Variants in TANK observed in about 807,000 individuals in gnomAD.
TANK encodes TRAF family member-associated NF-kappa-B activator.
TANK carries 15 observed loss-of-function variants against 43.6 expected under a neutral mutation model. The observed-to-expected ratio is 0.34, with a 90% CI of 0.23 to 0.53. The LOEUF is 0.53. Ranked by LOEUF, TANK falls within the 20% of genes least tolerant of loss-of-function variation. The pLI is 0.94. For synonymous variants in TANK, 162 were observed against 178.2 expected, an observed-to-expected ratio of 0.91 and a Z score of 0.73; for missense variants, 417 against 498.6, an observed-to-expected ratio of 0.84 and a Z score of 1.56.
Position 161,183,235 on chromosome 2 carries a change from T to G in TANK, c.99+3474T>G, listed in dbSNP as rs201183687. ...CTTGGTTTACAAAAGAATACTCCATTATGGAATACCTATGAATACTTATGG... is the reference window on the plus strand; with the variant it reads ...CTTGGTTTACAAAAGAATACTCCATGATGGAATACCTATGAATACTTATGG... On this transcript the variant is annotated intron_variant, in intron 2 of 7. Transcript: ENST00000392749. Among the ~76,000 whole-genome samples the G allele has an allele frequency of 3.3e-5, 5 of 152,324 alleles. No individual in the cohort carries two copies. The East Asian group carries it at 9.6e-4, about 29-fold the overall frequency.
At chr2:161,150,435 T>C (rs1289884545) in intron 1 of TANK, among the ~76,000 whole-genome samples, 2 of 152,090 alleles carry the variant, frequency 1.3e-5, no homozygotes, top group Non-Finnish European at 2.9e-5. Flanking sequence ...TCTAGTTTCA[T>C]TGATTCTCTC....
At chr2:161,166,686 C>A (rs908279226) in intron 1 of TANK, among the ~76,000 whole-genome samples, 4 of 151,984 alleles carry the variant, frequency 2.6e-5, no homozygotes, top group African/African-American at 7.2e-5. Context: ...ACTCAGAAGG[C>A]TGAGGTGGAA....
intron 2 of TANK, among the ~76,000 whole-genome samples, chr2:161,191,120 C>G (rs750670226): frequency 1.3e-5 from 2 of 152,164 alleles, no homozygotes; most frequent in Non-Finnish European, 2.9e-5. Context: ...CAATTTGAGA[C>G]TCAGAAGTTT....
At chr2:161,227,758 T>C (rs1381729455) in intron 6 of TANK, among the ~76,000 whole-genome samples, 2 of 152,192 alleles carry the variant, frequency 1.3e-5, no homozygotes, top group Non-Finnish European at 2.9e-5. Flanking sequence ...ACCTCAACAG[T>C]TGGTTTTCCT....
Position 161,235,715 on chromosome 2 carries a change from C to T in TANK, c.*197C>T. On this transcript the variant is annotated 3_prime_UTR_variant, in exon 8 of 8. Transcript: ENST00000392749. ...TTCTGTTCTTTCAAGGAGAAATAAGCCTAAAAGAAGAAAAACAAAAAAAAT... is the reference window on the plus strand; with the variant it reads ...TTCTGTTCTTTCAAGGAGAAATAAGTCTAAAAGAAGAAAAACAAAAAAAAT... 1 of 435,378 alleles carries T rather than the reference C, an allele frequency of 2.3e-6. No homozygotes were observed. Among genetic ancestry groups the T allele is most frequent in the Non-Finnish European group, 3.9e-6 (1 of 258,478 alleles). The allele number at this position is 435,378 out of a possible 1,614,324, so 27.0% of individuals were successfully genotyped here. A position where few individuals can be genotyped will look rare whatever the true frequency, so the allele number is the denominator to read the frequency against.
intron 1 of TANK, chr2:161,137,899 A>C (rs1030419595): frequency 5.9e-6 from 1 of 169,092 alleles, no homozygotes; most frequent in Non-Finnish European, 1.2e-5. Context: ...ACTTGAACCC[A>C]GGAGGCAGAG....
At chr2:161,138,657 A>C (rs755790084) in intron 1 of TANK, among the ~76,000 whole-genome samples, 2 of 152,186 alleles carry the variant, frequency 1.3e-5, no homozygotes, top group Admixed American at 6.5e-5. Flanking sequence ...ACCCAGTCTA[A>C]CCTGCCTTCA....
chr2:161,208,568 A>G (rs972243809), intron 4 of TANK, among the ~76,000 whole-genome samples: 1 of 152,170 alleles, frequency 6.6e-6, no homozygotes, highest in Non-Finnish European at 1.5e-5. Context: ...CTGAGTTTCT[A>G]TGGGTCAGAA....
intron 2 of TANK, among the ~76,000 whole-genome samples, chr2:161,190,959 A>G (rs1477901493): frequency 6.6e-6 from 1 of 152,218 alleles, no homozygotes; most frequent in African/African-American, 2.4e-5. Flanking sequence ...TACAAAAAAA[A>G]GAATTGGTCT....
At chr2:161,140,039 T>C (rs1683697297) in intron 1 of TANK, 1 of 584,246 alleles carries the variant, frequency 1.7e-6, no homozygotes, top group Non-Finnish European at 2.2e-6. Flanking sequence ...TGTTTTTATA[T>C]TCATAAGTCT....
intron 4 of TANK, among the ~76,000 whole-genome samples, chr2:161,220,084 A>T (rs1363255252): frequency 1.3e-5 from 2 of 152,184 alleles, no homozygotes; most frequent in Non-Finnish European, 2.9e-5. Flanking sequence ...CATTGACTAC[A>T]CTCAGTTGCC....
chr2:161,167,655 C>G (rs760118659), intron 1 of TANK, among the ~76,000 whole-genome samples: 1 of 151,998 alleles, frequency 6.6e-6, no homozygotes. Flanking sequence ...TGGAGTCTCT[C>G]TCTGTCACCC....
intron 2 of TANK, among the ~76,000 whole-genome samples, chr2:161,196,158 A>G (rs1302718413): frequency 1.3e-5 from 2 of 152,200 alleles, no homozygotes; most frequent in Non-Finnish European, 2.9e-5. Context: ...GATGTCAAAG[A>G]TGGTTACAGC....
At chr2:161,174,356 A>T (rs1685085968) in intron 1 of TANK, among the ~76,000 whole-genome samples, 1 of 152,166 alleles carries the variant, frequency 6.6e-6, no homozygotes, top group Non-Finnish European at 1.5e-5. Flanking sequence ...TATTTTTCAT[A>T]TCACATATTT....
At position 161,137,693 on chromosome 2, in the gene TANK, G is replaced by A. The variant is rs116060373; in HGVS notation, c.-50+630G>A. ...GTGTCTATACAAACATTAACTCAAG[G>A]CTGGGCATGGTGGCTCACTCCTGTA... On this transcript the variant is annotated intron_variant, in intron 1 of 7. Transcript: ENST00000259075. 2.7e-3 allele frequency among the ~76,000 whole-genome samples: 412 copies of A among 152,150 alleles called. 2 individuals carry two copies. Among genetic ancestry groups the A allele is most frequent in the African/African-American group, 9.4e-3 (391 of 41,496 alleles).
chr2:161,141,402 C>T (rs550117312), intron 1 of TANK, among the ~76,000 whole-genome samples: 1 of 152,140 alleles, frequency 6.6e-6, no homozygotes, highest in African/African-American at 2.4e-5. Flanking sequence ...ATACGTGTGC[C>T]ATGGTGTTTT....
chr2:161,185,980 C>T (rs1685645131), intron 2 of TANK, among the ~76,000 whole-genome samples: 1 of 152,090 alleles, frequency 6.6e-6, no homozygotes, highest in African/African-American at 2.4e-5. Context: ...CAAAATTTTT[C>T]AGTGATTTCT....
chr2:161,196,174 G>C (rs773536965), intron 2 of TANK, among the ~76,000 whole-genome samples: 1 of 152,202 alleles, frequency 6.6e-6, no homozygotes, highest in Non-Finnish European at 1.5e-5. Context: ...ACAGCTTTCT[G>C]TATAGATAAG....
chr2:161,169,250 GAGAT>G (rs1447489001), intron 1 of TANK, among the ~76,000 whole-genome samples: 1 of 152,202 alleles, frequency 6.6e-6, no homozygotes, highest in African/African-American at 2.4e-5. Context: ...TTCTTCTAAA[GAGAT>G]AGAATACCTG....
Sources: gnomAD v4.1 joint callset for allele counts (sites outside exome capture counted in the v4.1 genomes callset) on GRCh38, gnomAD v4.1.1 for gene constraint, MANE v1.5 for transcripts, NCBI Gene and HGNC (gene_info 2026-07-23, HGNC 2026-07-21) for gene names.